GDAP1: variants seen among roughly 807,000 people sequenced by gnomAD.
GDAP1 encodes the protein ganglioside-induced differentiation-associated protein 1.
Under a neutral mutation model 40.1 loss-of-function variants are expected in GDAP1, and 34 were observed. The ratio of observed to expected loss-of-function variants is 0.85; its 90% CI spans 0.64 to 1.13. The LOEUF is 1.13. GDAP1 is among the 50% of genes most tolerant of loss of function. The pLI is 0.00. For missense variants in GDAP1, 374 were observed against 433.7 expected, an observed-to-expected ratio of 0.86 and a Z score of 1.22; for synonymous variants, 170 against 157.4, an observed-to-expected ratio of 1.08 and a Z score of -0.60.
rs939051518 is a variant in GDAP1 at position 74,465,335 on chromosome 8, G to C, written c.166-23343G>C. ...GCGCACCCACTTGCTCAAGCCAGAAGTTTAGGAGTCATTCTTGATACACCT... is the reference window on the plus strand; with the variant it reads ...GCGCACCCACTTGCTCAAGCCAGAACTTTAGGAGTCATTCTTGATACACCT... On this transcript the variant is annotated intron_variant, in intron 2 of 2. Coordinates refer to the GDAP1 transcript ENST00000523640. Among the ~76,000 whole-genome samples, 4 of 152,244 alleles carry C rather than the reference G, an allele frequency of 2.6e-5. No individual in the cohort carries two copies. In the East Asian group the frequency reaches 7.7e-4, roughly 29 times the overall value.
chr8:74,360,308 G>T lies in GDAP1; in HGVS notation c.482G>T (p.Arg161Leu), dbSNP rs104894076. ...CCGGCTTATGCAACTACAAGGATTC[G>T]TAGTATGTAAACATTTTAAAGACCT... ...MIPAYATTRI[R>L]SQIGNTESEL... Residue 161 changes from arginine to leucine, a missense_variant and splice_region_variant, in exon 3 of 6, where the codon CGT becomes CTT. Arg to Leu is a moderately radical substitution (Grantham distance 102). Coordinates refer to ENST00000220822, the MANE Select transcript of GDAP1 (RefSeq NM_018972.4). 1.2e-6 allele frequency: 2 copies of T among 1,612,342 alleles called. No homozygotes were observed. Among genetic ancestry groups the T allele is most frequent in the South Asian group, 1.1e-5 (1 of 91,042 alleles).
intron 2 of GDAP1, among the ~76,000 whole-genome samples, chr8:74,437,382 A>C (rs1488753001): frequency 4.6e-5 from 7 of 152,214 alleles, no homozygotes; most frequent in Non-Finnish European, 1.0e-4. Flanking sequence ...TTAATCTTGA[A>C]TTACATGCTT....
chr8:74,363,558 T>C (rs1809475067), intron 5 of GDAP1, among the ~76,000 whole-genome samples: 1 of 152,246 alleles, frequency 6.6e-6, no homozygotes, highest in Non-Finnish European at 1.5e-5. Flanking sequence ...TCACAAAAGC[T>C]CTTCTGCTTT....
intron 2 of GDAP1, among the ~76,000 whole-genome samples, chr8:74,394,566 A>G (rs1810164816): frequency 6.6e-6 from 1 of 152,096 alleles, no homozygotes; most frequent in Non-Finnish European, 1.5e-5. Flanking sequence ...TCCTAGCTTT[A>G]ATGGTCACTT....
At chr8:74,469,530 C>T (rs1207530154) in intron 2 of GDAP1, among the ~76,000 whole-genome samples, 7 of 151,358 alleles carry the variant, frequency 4.6e-5, no homozygotes, top group Non-Finnish European at 5.9e-5. Flanking sequence ...TAGCCGGGCG[C>T]GGTGGCGGGC....
intron 2 of GDAP1, among the ~76,000 whole-genome samples, chr8:74,472,890 G>A (rs1806577768): frequency 6.6e-6 from 1 of 151,996 alleles, no homozygotes; most frequent in South Asian, 2.1e-4. Flanking sequence ...TGGGACTATA[G>A]GTTCGTGCCA....
chr8:74,380,832 G>C (rs1417655949), intron 2 of GDAP1, among the ~76,000 whole-genome samples: 2 of 151,938 alleles, frequency 1.3e-5, no homozygotes, highest in Admixed American at 1.3e-4. Context: ...TTTTTCTCTG[G>C]GACTCTTCCA....
intron 2 of GDAP1, among the ~76,000 whole-genome samples, chr8:74,402,011 C>T (rs1275986623): frequency 1.3e-5 from 2 of 150,206 alleles, no homozygotes; most frequent in Non-Finnish European, 2.9e-5. Flanking sequence ...GGTCAGGGAC[C>T]CACTTGAGGA....
intron 2 of GDAP1, among the ~76,000 whole-genome samples, chr8:74,429,039 T>C (rs1805993415): frequency 1.3e-5 from 2 of 151,950 alleles, no homozygotes; most frequent in African/African-American, 2.4e-5. Flanking sequence ...ACAAAAGACA[T>C]GAACTCATCA....
At chr8:74,372,397 T>C (rs990455259) in intron 2 of GDAP1, among the ~76,000 whole-genome samples, 9 of 152,194 alleles carry the variant, frequency 5.9e-5, no homozygotes, top group Non-Finnish European at 1.0e-4. Flanking sequence ...AGTGTAAAAG[T>C]GTTCCTATGT....
At chr8:74,384,258 A>G (rs563635387) in intron 2 of GDAP1, among the ~76,000 whole-genome samples, 31 of 152,320 alleles carry the variant, frequency 2.0e-4, no homozygotes, top group Admixed American at 6.5e-5. Context: ...TGGGGGAAAT[A>G]AAAACTGGCA....
At chr8:74,479,622 C>T (rs887019538) in intron 2 of GDAP1, among the ~76,000 whole-genome samples, 3 of 152,174 alleles carry the variant, frequency 2.0e-5, no homozygotes, top group African/African-American at 7.2e-5. Flanking sequence ...TTTAGTTCTT[C>T]TGTGGGTCAG....
At chr8:74,356,518 C>T (rs186651207) in intron 2 of GDAP1, among the ~76,000 whole-genome samples, 64 of 151,662 alleles carry the variant, frequency 4.2e-4, no homozygotes, top group African/African-American at 1.4e-3. Flanking sequence ...AATTTGACAC[C>T]GGGTCTTTTT....
At chr8:74,389,906 A>T (rs1036004764) in intron 2 of GDAP1, among the ~76,000 whole-genome samples, 3 of 152,032 alleles carry the variant, frequency 2.0e-5, no homozygotes, top group African/African-American at 7.2e-5. Flanking sequence ...TCTTGTCTTC[A>T]AGCTTTATTT....
intron 5 of GDAP1, among the ~76,000 whole-genome samples, chr8:74,363,646 A>T (rs1048314015): frequency 4.6e-5 from 7 of 152,226 alleles, no homozygotes; most frequent in Non-Finnish European, 7.3e-5. Flanking sequence ...AACTGTTTTT[A>T]TAAACCAGAA....
intron 2 of GDAP1, among the ~76,000 whole-genome samples, chr8:74,390,800 G>C (rs2131542888): frequency 6.6e-6 from 1 of 152,308 alleles, no homozygotes; most frequent in East Asian, 1.9e-4. Context: ...CTACTCCCAG[G>C]TGCTCTGTCC....
At chr8:74,435,815 AT>A (rs1806081796) in intron 2 of GDAP1, among the ~76,000 whole-genome samples, 1 of 152,198 alleles carries the variant, frequency 6.6e-6, no homozygotes, top group South Asian at 2.1e-4. Flanking sequence ...TTAGTCTAGA[AT>A]ATAAAAAAGT....
chr8:74,434,581 A>G (rs1806066395), intron 2 of GDAP1, among the ~76,000 whole-genome samples: 1 of 152,212 alleles, frequency 6.6e-6, no homozygotes, highest in Non-Finnish European at 1.5e-5. Flanking sequence ...AAAGTATGGC[A>G]TGAGTTCTCA....
intron 2 of GDAP1, among the ~76,000 whole-genome samples, chr8:74,413,644 ATC>A (rs1410438089): frequency 6.7e-6 from 1 of 149,338 alleles, no homozygotes; most frequent in Non-Finnish European, 1.5e-5. Context: ...AGGAGCCTAA[ATC>A]TCTGAGGGAG....
Sources: allele counts gnomAD v4.1 joint callset (sites outside exome capture counted in the v4.1 genomes callset), GRCh38; gene constraint gnomAD v4.1.1; transcripts MANE v1.5; gene names NCBI Gene and HGNC (gene_info 2026-07-23, HGNC 2026-07-21).